LIPG: variants seen among roughly 807,000 people sequenced by gnomAD.
LIPG encodes endothelial lipase.
In LIPG, 34 loss-of-function variants were observed where a neutral mutation model predicts 51.8. That is an observed-to-expected ratio of 0.66 (90% CI 0.50 to 0.87). The LOEUF (loss-of-function observed/expected upper bound fraction) is 0.87. LIPG is among the 40% of genes least tolerant of loss of function. The probability of loss-of-function intolerance (pLI) is 0.00; values close to 1 mark genes in which losing one functional copy is unlikely to be tolerated. For synonymous variants in LIPG, 246 were observed against 246.1 expected, an observed-to-expected ratio of 1.00 and a Z score of 0.00; for missense variants, 580 against 652.7, an observed-to-expected ratio of 0.89 and a Z score of 1.21.
In LIPG at chr18:49,592,431, A is replaced by G. The variant is rs1265959620; in HGVS notation, c.*1909A>G. ...AATAGGACCCGAGCCTAAACACAAA[A>G]TTCATTGATGTGTCAGTTACACCTT... On this transcript the variant is annotated 3_prime_UTR_variant, in exon 10 of 10. Coordinates refer to ENST00000261292, the MANE Select transcript of LIPG (RefSeq NM_006033.4). 8 of 152,242 alleles carry G rather than the reference A, an allele frequency of 5.3e-5. No homozygotes were observed. The highest frequency in any genetic ancestry group is 1.9e-4 in the African/African-American group (8 of 41,456). The allele number at this position is 152,242 out of a possible 1,614,324, so 9.4% of individuals were successfully genotyped here. A position where few individuals can be genotyped will look rare whatever the true frequency, so the allele number is the denominator to read the frequency against.
chr18:49,583,499 AGT>A, intron 7 of LIPG, 55 bp from the exon 8 acceptor site: 1 of 1,462,318 alleles, frequency 6.8e-7, no homozygotes, highest in Non-Finnish European at 9.6e-7. Context: ...CACCCCACAC[AGT>A]GTGGCAGTTT....
At chr18:49,571,608 C>T (rs867637033) in intron 4 of LIPG, among the ~76,000 whole-genome samples, 21 of 152,292 alleles carry the variant, frequency 1.4e-4, no homozygotes, top group East Asian at 1.9e-4. Context: ...CCCTGACACA[C>T]GCTGTTGTGT....
upstream of LIPG, chr18:49,561,569 G>A: frequency 2.6e-6 from 2 of 772,448 alleles, no homozygotes; most frequent in East Asian, 3.4e-5. Context: ...TAGGCGGGAA[G>A]GGAGGGAGAA....
intron 5 of LIPG, among the ~76,000 whole-genome samples, chr18:49,576,878 C>T (rs2084724962): frequency 6.6e-6 from 1 of 152,198 alleles, no homozygotes; most frequent in African/African-American, 2.4e-5. Context: ...TCCCAAATAG[C>T]TGAGACTACA....
intron 6 of LIPG, 48 bp downstream of exon 6, chr18:49,581,705 CCTT>C (rs577761778): frequency 3.1e-6 from 5 of 1,601,306 alleles, no homozygotes; most frequent in East Asian, 4.5e-5. Flanking sequence ...CTTAATACCT[CCTT>C]CTTAATACCA....
chr18:49,580,809 C>A (rs1350487118), intron 5 of LIPG, among the ~76,000 whole-genome samples: 2 of 152,162 alleles, frequency 1.3e-5, no homozygotes, highest in African/African-American at 4.8e-5. Flanking sequence ...CTGCATCACC[C>A]TACTTAGCAC....
In LIPG at chr18:49,590,716, C is replaced by A; in HGVS notation, c.*194C>A. The A allele has an allele frequency of 1.5e-6, 1 of 654,674 alleles. No individual in the cohort carries two copies. Among genetic ancestry groups the A allele is most frequent in the Non-Finnish European group, 2.8e-6 (1 of 363,430 alleles). 40.6% of individuals were successfully genotyped at this position (654,674 alleles called of 1,614,324 possible). On this transcript the variant is annotated 3_prime_UTR_variant, in exon 10 of 10. Coordinates refer to ENST00000261292, the MANE Select transcript of LIPG (RefSeq NM_006033.4). ...GGGGACTGCGCTGCTATAGCTCTTG[C>A]TGCCTCTCTTGAATAGCTCTAACTC...
At chr18:49,574,842 T>C (rs2084699082) in intron 4 of LIPG, among the ~76,000 whole-genome samples, 1 of 152,174 alleles carries the variant, frequency 6.6e-6, no homozygotes, top group African/African-American at 2.4e-5. Flanking sequence ...CTGGGCCTGA[T>C]TAAAGGAAGA....
At chr18:49,579,028 G>C (rs1289847793) in intron 5 of LIPG, among the ~76,000 whole-genome samples, 2 of 16 alleles carry the variant, frequency 0.12, no homozygotes, top group Non-Finnish European at 0.5. Context: ...GAGGGAGAGG[G>C]AGAGGGAGAG....
chr18:49,564,649 C>T (rs1231187807), intron 1 of LIPG, among the ~76,000 whole-genome samples: 1 of 152,256 alleles, frequency 6.6e-6, no homozygotes, highest in Non-Finnish European at 1.5e-5. Flanking sequence ...TCAACAGCCT[C>T]TTGCCTCCAA....
rs1489065060 is a variant in LIPG, at chr18:49,590,878, G to C, written c.*356G>C. On this transcript the variant is annotated 3_prime_UTR_variant, in exon 10 of 10. Transcript: ENST00000261292. ...TGTACTCTGCCTGACGAGGAACGCT[G>C]GCTCCGAAGAGGCCCTGTGTAGAAG... 2 of 378,908 alleles carry C rather than the reference G, an allele frequency of 5.3e-6. No homozygotes were observed. The highest frequency in any genetic ancestry group is 2.5e-5 in the South Asian group (1 of 39,620). 23.5% of individuals were successfully genotyped at this position (378,908 alleles called of 1,614,324 possible). A position where few individuals can be genotyped will look rare whatever the true frequency, so the allele number is the denominator to read the frequency against.
In LIPG at chr18:49,592,316, A is replaced by G. The variant is rs1031060446; in HGVS notation, c.*1794A>G. On this transcript the variant is annotated 3_prime_UTR_variant, in exon 10 of 10. Coordinates refer to ENST00000261292, the MANE Select transcript of LIPG (RefSeq NM_006033.4). ...AGCTTGTACAGGTTGAGTATCCCTT[A>G]TCCAAAATGCTTGGAACCAGAAGTG... is the stretch of plus-strand genomic sequence containing the variant. 1 of 152,206 alleles carries G rather than the reference A, an allele frequency of 6.6e-6. No homozygotes were observed. Among genetic ancestry groups the G allele is most frequent in the Admixed American group, 6.5e-5 (1 of 15,282 alleles). 9.4% of individuals were successfully genotyped at this position (152,206 alleles called of 1,614,324 possible). A position where few individuals can be genotyped will look rare whatever the true frequency, so the allele number is the denominator to read the frequency against.
intron 5 of LIPG, among the ~76,000 whole-genome samples, chr18:49,580,532 A>G (rs1019412854): frequency 2.0e-5 from 3 of 152,146 alleles, no homozygotes; most frequent in African/African-American, 7.2e-5. Flanking sequence ...AGTCCCACCT[A>G]TTTGGGAGGC....
intron 9 of LIPG, among the ~76,000 whole-genome samples, chr18:49,588,869 A>G (rs61240345): frequency 0.016 from 2,451 of 152,176 alleles, 72 homozygotes; most frequent in African/African-American, 0.057. Context: ...GGTACTAGAT[A>G]ATAATACTGC....
At chr18:49,585,263 A>G (rs933297951) in intron 8 of LIPG, among the ~76,000 whole-genome samples, 2 of 152,122 alleles carry the variant, frequency 1.3e-5, no homozygotes, top group Admixed American at 6.5e-5. Flanking sequence ...GGGTTTCGCC[A>G]TGTTGGCCAG....
At chr18:49,566,470 A>G (rs2084607806) in intron 2 of LIPG, among the ~76,000 whole-genome samples, 1 of 152,228 alleles carries the variant, frequency 6.6e-6, no homozygotes, top group Non-Finnish European at 1.5e-5. Context: ...CCACAGAAGC[A>G]AGATTGTAAA....
At chr18:49,579,660 G>A (rs1197542605) in intron 5 of LIPG, among the ~76,000 whole-genome samples, 1 of 152,016 alleles carries the variant, frequency 6.6e-6, no homozygotes, top group Non-Finnish European at 1.5e-5. Context: ...CCCTCTCCCG[G>A]TTTAATCCAA....
intron 1 of LIPG, among the ~76,000 whole-genome samples, chr18:49,564,894 T>C (rs778085252): frequency 1.6e-4 from 24 of 152,336 alleles, no homozygotes; most frequent in Admixed American, 9.8e-4. Context: ...GGCAGCATTA[T>C]ATAATATATG....
intron 9 of LIPG, chr18:49,590,033 T>G: frequency 3.6e-6 from 1 of 280,330 alleles, no homozygotes; most frequent in Non-Finnish European, 7.0e-6. Flanking sequence ...CAGTGGTGTG[T>G]TCACATAGCT....
Sources: allele counts gnomAD v4.1 joint callset (sites outside exome capture counted in the v4.1 genomes callset), GRCh38; gene constraint gnomAD v4.1.1; transcripts MANE v1.5; gene names NCBI Gene and HGNC (gene_info 2026-07-23, HGNC 2026-07-21).